Variants in RPAP2 observed in about 807,000 individuals in gnomAD.
RPAP2 encodes the protein RNA polymerase II associated protein 2, also known as putative RNA polymerase II subunit B1 CTD phosphatase RPAP2.
A neutral mutation model predicts 73.1 loss-of-function variants in RPAP2; 52 were observed. The observed-to-expected ratio is 0.71, with a 90% CI of 0.57 to 0.90. The LOEUF (loss-of-function observed/expected upper bound fraction) is 0.90, where lower values mean the gene tolerates loss of function less well. RPAP2 is among the 40% of genes least tolerant of loss of function. The pLI, the probability that RPAP2 is intolerant of heterozygous loss-of-function variation, is 0.00. For missense variants in RPAP2, 598 were observed against 701.8 expected, an observed-to-expected ratio of 0.85 and a Z score of 1.67; for synonymous variants, 225 against 242.1, an observed-to-expected ratio of 0.93 and a Z score of 0.65.
In RPAP2 at chr1:92,395,714, G is replaced by A. The variant is rs534570062; in HGVS notation, c.*8703G>A. The A allele has an allele frequency of 1.6e-4, 24 of 151,316 alleles. No individual in the cohort carries two copies. Among genetic ancestry groups the A allele is most frequent in the African/African-American group, 5.8e-4 (24 of 41,272 alleles). 9.4% of individuals were successfully genotyped at this position (151,316 alleles called of 1,614,324 possible). A position where few individuals can be genotyped will look rare whatever the true frequency, so the allele number is the denominator to read the frequency against. The stretch of plus-strand genomic sequence containing the variant: ...TATTTTCAAACCATAATAAGTATCT[G>A]ATAGAGGACTTGTATCTAGACTATG... On this transcript the variant is annotated 3_prime_UTR_variant, in exon 13 of 13. Coordinates refer to ENST00000610020, the MANE Select transcript of RPAP2 (RefSeq NM_024813.3).
chr1:92,335,678 A>G (rs1653240181), intron 9 of RPAP2, among the ~76,000 whole-genome samples: 1 of 152,180 alleles, frequency 6.6e-6, no homozygotes, highest in African/African-American at 2.4e-5. Flanking sequence ...TTCACTTCAC[A>G]TCTATCATGA....
At chr1:92,369,047 G>T (rs1247302536) in intron 11 of RPAP2, among the ~76,000 whole-genome samples, 1 of 152,164 alleles carries the variant, frequency 6.6e-6, no homozygotes, top group Non-Finnish European at 1.5e-5. Flanking sequence ...GATAGCCTGT[G>T]TTAAGCCATC....
Position 92,309,846 on chromosome 1 carries a change from TAACAA to T in RPAP2, c.488+2571_488+2575del, listed in dbSNP as rs555443280. ...ACTTGAAATTTGGGAAACGAGAAGATAACAATAGGTAAATAACAAAGGGCCAGGCT... is the reference window on the plus strand; with the variant it reads ...ACTTGAAATTTGGGAAACGAGAAGATTAGGTAAATAACAAAGGGCCAGGCT... On this transcript the variant is annotated intron_variant, in intron 6 of 12. Transcript: ENST00000610020. 1.5e-3 allele frequency among the ~76,000 whole-genome samples: 221 copies of T among 152,272 alleles called. No homozygotes were observed. The South Asian group carries it at 0.018, about 13-fold the overall frequency.
chr1:92,382,548 T>G (rs1401296069), intron 12 of RPAP2, among the ~76,000 whole-genome samples: 3 of 152,242 alleles, frequency 2.0e-5, no homozygotes, highest in Non-Finnish European at 2.9e-5. Flanking sequence ...TCATGTGTCT[T>G]TTGGCTGCAT....
intron 8 of RPAP2, among the ~76,000 whole-genome samples, chr1:92,329,881 T>C (rs1233285745): frequency 6.6e-6 from 1 of 152,192 alleles, no homozygotes; most frequent in Non-Finnish European, 1.5e-5. Context: ...ATAAATCACA[T>C]GGTACAAATT....
intron 10 of RPAP2, among the ~76,000 whole-genome samples, chr1:92,345,625 A>G (rs1469394869): frequency 6.6e-6 from 1 of 152,146 alleles, no homozygotes; most frequent in African/African-American, 2.4e-5. Flanking sequence ...TTAAAAACAT[A>G]TAAAAGTGGG....
chr1:92,346,198 C>G (rs1052132509), intron 11 of RPAP2, among the ~76,000 whole-genome samples: 3 of 149,884 alleles, frequency 2.0e-5, no homozygotes, highest in African/African-American at 7.4e-5. Flanking sequence ...GGGTCTCGCT[C>G]TGTTGCCCAT....
chr1:92,332,149 C>T lies in RPAP2; in HGVS notation c.1456-1242C>T, dbSNP rs146008202. Among the ~76,000 whole-genome samples, 469 of 151,574 alleles carry T rather than the reference C, an allele frequency of 3.1e-3. 3 individuals carry two copies. Among genetic ancestry groups the T allele is most frequent in the African/African-American group, 0.011 (453 of 41,348 alleles). On this transcript the variant is annotated intron_variant, in intron 8 of 12. Coordinates refer to ENST00000610020, the MANE Select transcript of RPAP2 (RefSeq NM_024813.3). ...CTGTATCTTGTAGGTCTCTTAATCT[C>T]CTTTGTGCTTTACATTATGTGTTTG... is the stretch of plus-strand genomic sequence containing the variant.
At position 92,388,381 on chromosome 1, in the gene RPAP2, A is replaced by G. The variant is rs1356632224; in HGVS notation, c.*1370A>G. 1 of 152,298 alleles carries G rather than the reference A, an allele frequency of 6.6e-6. No individual in the cohort carries two copies. The highest frequency in any genetic ancestry group is 1.9e-4 in the East Asian group (1 of 5,188). The allele number at this position is 152,298 out of a possible 1,614,324, so 9.4% of individuals were successfully genotyped here. A position where few individuals can be genotyped will look rare whatever the true frequency, so the allele number is the denominator to read the frequency against. On this transcript the variant is annotated 3_prime_UTR_variant, in exon 13 of 13. Coordinates refer to ENST00000610020, the MANE Select transcript of RPAP2 (RefSeq NM_024813.3). Reference sequence around the variant, plus strand: ...CAAAGTGAGACCCTGTCTCCACAAAAAATAAAAATAAAAATAAATTGAAGA... The same window carrying G: ...CAAAGTGAGACCCTGTCTCCACAAAGAATAAAAATAAAAATAAATTGAAGA...
rs142356911 is a variant in RPAP2 at position 92,308,337 on chromosome 1, AGACTCT to A, written c.488+1063_488+1068del. On this transcript the variant is annotated intron_variant, in intron 6 of 12. Transcript: ENST00000610020. ...CCAGCTTCCTTGTTGGGAAAATAAA[AGACTCT>A]GGCATTGTTCGACATGACTGGGAAG... 5.9e-3 allele frequency among the ~76,000 whole-genome samples: 901 copies of A among 152,300 alleles called. 8 individuals carry two copies. The highest frequency in any genetic ancestry group is 0.019 in the African/African-American group (793 of 41,562).
At chr1:92,384,701 C>T (rs1362990685) in intron 12 of RPAP2, among the ~76,000 whole-genome samples, 1 of 151,908 alleles carries the variant, frequency 6.6e-6, no homozygotes, top group African/African-American at 2.4e-5. Context: ...GATCCTGCTA[C>T]TCTGAGGACA....
At chr1:92,360,198 A>G (rs942147086) in intron 11 of RPAP2, among the ~76,000 whole-genome samples, 1 of 152,246 alleles carries the variant, frequency 6.6e-6, no homozygotes, top group African/African-American at 2.4e-5. Context: ...AAGTGTCAAG[A>G]AAAATGTAGT....
intron 6 of RPAP2, among the ~76,000 whole-genome samples, chr1:92,317,274 C>T (rs1311913212): frequency 6.6e-6 from 1 of 151,930 alleles, no homozygotes; most frequent in Admixed American, 6.6e-5. Context: ...TTTGGGAGGC[C>T]GAGGCGGGTG....
chr1:92,314,549 A>G (rs561745428), intron 6 of RPAP2, among the ~76,000 whole-genome samples: 1 of 152,204 alleles, frequency 6.6e-6, no homozygotes, highest in African/African-American at 2.4e-5. Context: ...CAGGAGTTCA[A>G]GACCAGCCTG....
intron 11 of RPAP2, among the ~76,000 whole-genome samples, chr1:92,355,639 C>T (rs1334779220): frequency 6.6e-6 from 1 of 152,098 alleles, no homozygotes; most frequent in African/African-American, 2.4e-5. Flanking sequence ...GGAACACCCC[C>T]AAGATGCCTT....
intron 12 of RPAP2, among the ~76,000 whole-genome samples, chr1:92,386,534 G>A (rs1207706207): frequency 6.6e-6 from 1 of 152,166 alleles, no homozygotes; most frequent in Non-Finnish European, 1.5e-5. Context: ...AGTTGACCTT[G>A]ATCAGTTAAA....
intron 11 of RPAP2, among the ~76,000 whole-genome samples, chr1:92,375,024 A>G (rs1329507341): frequency 1.3e-5 from 2 of 152,212 alleles, no homozygotes; most frequent in Admixed American, 1.3e-4. Context: ...AATCTGTGCT[A>G]TTAAGTAATA....
chr1:92,347,033 T>G (rs1653938384), intron 11 of RPAP2, among the ~76,000 whole-genome samples: 1 of 152,164 alleles, frequency 6.6e-6, no homozygotes, highest in Non-Finnish European at 1.5e-5. Context: ...TATTCTGGCT[T>G]TACTGTCCCT....
At chr1:92,368,271 C>T (rs903837441) in intron 11 of RPAP2, among the ~76,000 whole-genome samples, 1 of 151,964 alleles carries the variant, frequency 6.6e-6, no homozygotes, top group African/African-American at 2.4e-5. Flanking sequence ...GCCAGCTACT[C>T]GGGAGGCTGA....
Sources: gnomAD v4.1 joint callset for allele counts (sites outside exome capture counted in the v4.1 genomes callset) on GRCh38, gnomAD v4.1.1 for gene constraint, MANE v1.5 for transcripts, NCBI Gene and HGNC (gene_info 2026-07-23, HGNC 2026-07-21) for gene names.